Variants in LOXHD1 observed in about 807,000 individuals in gnomAD.
The protein encoded by LOXHD1 is lipoxygenase homology PLAT domains 1, also known as lipoxygenase homology domain-containing protein 1.
LOXHD1 carries 205 observed loss-of-function variants against 248.2 expected under a neutral mutation model. The observed-to-expected ratio is 0.83, with a 90% confidence interval of 0.74 to 0.93. LOXHD1 has a LOEUF of 0.93. Among genes scored for constraint, LOXHD1 ranks in the 40% least tolerant of loss-of-function variants. LOXHD1 has a pLI of 0.00. For missense variants in LOXHD1, 2,930 were observed against 2,971.6 expected (o/e 0.99, Z 0.33); for synonymous variants, 1,113 against 1,162.8 (o/e 0.96, Z 0.87).
intron 14 of LOXHD1, among the ~76,000 whole-genome samples, chr18:46,575,753 C>T (rs1392509519): frequency 6.6e-6 from 1 of 152,132 alleles, no homozygotes; most frequent in Non-Finnish European, 1.5e-5. Flanking sequence ...GTCATTTAAG[C>T]CACCCAGTCT....
chr18:46,482,696 C>G (rs1345656300), intron 40 of LOXHD1, among the ~76,000 whole-genome samples: 1 of 152,208 alleles, frequency 6.6e-6, no homozygotes, highest in East Asian at 1.9e-4. Flanking sequence ...GAGCCCATAG[C>G]CGAGGGCTCT....
chr18:46,596,258 C>A (rs1033408897), intron 8 of LOXHD1, among the ~76,000 whole-genome samples: 7 of 152,130 alleles, frequency 4.6e-5, no homozygotes, highest in Admixed American at 2.6e-4. Context: ...CTCATCACCA[C>A]AAAATAGCCA....
At chr18:46,608,960 C>G (rs144081503) in intron 6 of LOXHD1, among the ~76,000 whole-genome samples, 2 of 152,310 alleles carry the variant, frequency 1.3e-5, no homozygotes, top group African/African-American at 4.8e-5. Flanking sequence ...GCTAACTGCC[C>G]AATTTCCCAG....
chr18:46,529,042 G>C (rs929264027), intron 29 of LOXHD1, 135 bp downstream of exon 29: 1 of 1,093,280 alleles, frequency 9.1e-7, no homozygotes, highest in Non-Finnish European at 1.3e-6. Context: ...GGAAGGGCAA[G>C]GGCAGAGGCC....
At chr18:46,551,952 A>G (rs915816729) in intron 21 of LOXHD1, among the ~76,000 whole-genome samples, 3 of 152,262 alleles carry the variant, frequency 2.0e-5, no homozygotes, top group Non-Finnish European at 2.9e-5. Flanking sequence ...AGCTAGACAC[A>G]AAAAGACAAA....
chr18:46,533,104 G>A (rs1188580250), intron 28 of LOXHD1, 58 bp downstream of exon 28: 1 of 1,533,094 alleles, frequency 6.5e-7, no homozygotes, highest in East Asian at 2.5e-5. Context: ...CATGTGCTCA[G>A]GAGGACCAGG....
chr18:46,568,860 C>T (rs1287806043), intron 16 of LOXHD1, among the ~76,000 whole-genome samples: 2 of 152,206 alleles, frequency 1.3e-5, no homozygotes, highest in Non-Finnish European at 2.9e-5. Flanking sequence ...TGCTGCTTTA[C>T]TGTTCAGCTT....
At chr18:46,610,954 C>G in intron 5 of LOXHD1, 30 bp from the exon 6 acceptor site, 1 of 1,547,500 alleles carries the variant, frequency 6.5e-7, no homozygotes, top group Non-Finnish European at 8.7e-7. Context: ...AAAGAAATTA[C>G]AAAAAGACCA....
In LOXHD1 at chr18:46,533,274, C is replaced by T; in HGVS notation, c.4263G>A (p.Glu1421=). Reference sequence around the variant, plus strand: ...GTTCTCGAATGGTCTTTTTGTCATCCTCAGAGGTGGCAAGCCACCGATCGC... The same window carrying T: ...GTTCTCGAATGGTCTTTTTGTCATCTTCAGAGGTGGCAAGCCACCGATCGC... ...FPCDRWLATS[E]DDKKTIRELV... The change falls in exon 28 of 41, where the codon GAG becomes GAA. Residue 1421 remains glutamate (E), a synonymous_variant. Transcript: ENST00000642948. 6.4e-7 allele frequency: 1 copy of T among 1,551,776 alleles called. No individual in the cohort carries two copies. Among genetic ancestry groups the T allele is most frequent in the Non-Finnish European group, 8.7e-7 (1 of 1,147,004 alleles).
rs916954027 is a variant in LOXHD1, at chr18:46,566,334, C to T, written c.2360G>A (p.Arg787His). Residue 787 changes from arginine to histidine, a missense_variant, in exon 17 of 41, where the codon CGC (arginine) becomes CAC (histidine). Arg to His is a conservative substitution (Grantham distance 29). Transcript: ENST00000642948. ...QGKQYTFPAN[R>H]WLDKNQADGR... is the part of the protein sequence containing the mutation. ...GTCAGCCTGGTTCTTGTCCAGCCAGCGGTTGGCGGGAAAGGTGTACTGCTT... is the reference window on the plus strand; with the variant it reads ...GTCAGCCTGGTTCTTGTCCAGCCAGTGGTTGGCGGGAAAGGTGTACTGCTT... The T allele has an allele frequency of 1.5e-5, 24 of 1,551,732 alleles. No homozygotes were observed. In the African/African-American group the frequency reaches 2.6e-4, roughly 17 times the overall value.
intron 6 of LOXHD1, among the ~76,000 whole-genome samples, chr18:46,610,541 A>G (rs563963305): frequency 2.0e-5 from 3 of 151,442 alleles, no homozygotes; most frequent in East Asian, 1.9e-4. Flanking sequence ...TAAAAAGAAA[A>G]GAGAGAGAGA....
At chr18:46,559,712 A>G (rs532834913) in intron 19 of LOXHD1, 110 bp from the exon 20 acceptor site, 1 of 1,208,746 alleles carries the variant, frequency 8.3e-7, no homozygotes, top group South Asian at 1.5e-5. Context: ...GGATCTTCAG[A>G]TGCATCTACA....
chr18:46,607,285 G>A (rs905566971), intron 6 of LOXHD1, among the ~76,000 whole-genome samples: 1 of 150,586 alleles, frequency 6.6e-6, no homozygotes, highest in Admixed American at 6.6e-5. Context: ...TATTCATTAT[G>A]ACACCATATA....
At chr18:46,541,973 G>C in intron 24 of LOXHD1, 33 bp from the exon 25 acceptor site, 1 of 1,530,798 alleles carries the variant, frequency 6.5e-7, no homozygotes, top group Non-Finnish European at 8.8e-7. Flanking sequence ...ACCCATCAAG[G>C]ACCTGAGCAG....
In LOXHD1 at chr18:46,505,946, A is replaced by G. The variant is rs2034539490; in HGVS notation, c.5770T>C (p.Ser1924Pro). The change falls in exon 37 of 41, where the codon TCG (serine) becomes CCG (proline). Residue 1924 changes from serine to proline, a missense_variant. Ser to Pro is a moderately conservative substitution (Grantham distance 74). Transcript: ENST00000642948. ...CGCTCAAACTTGTTCCAGTTTGCCGACTGCTTCAGGGCCAGTGTCCCACTA... is the reference window on the plus strand; with the variant it reads ...CGCTCAAACTTGTTCCAGTTTGCCGGCTGCTTCAGGGCCAGTGTCCCACTA... The part of the protein sequence containing the change: ...GDSGTLALKQ[S>P]ANWNKFERNN... 1 of 1,552,148 alleles carries G rather than the reference A, an allele frequency of 6.4e-7. No individual in the cohort carries two copies. The highest frequency in any genetic ancestry group is 8.7e-7 in the Non-Finnish European group (1 of 1,147,090).
intron 40 of LOXHD1, among the ~76,000 whole-genome samples, chr18:46,478,895 A>C (rs1475546946): frequency 6.6e-6 from 1 of 152,144 alleles, no homozygotes; most frequent in Non-Finnish European, 1.5e-5. Flanking sequence ...ATAGGGTCTC[A>C]CCATGCTTCC....
intron 25 of LOXHD1, among the ~76,000 whole-genome samples, chr18:46,540,654 CTTTTTTTTTTTT>C (rs60099172): frequency 1.1e-5 from 1 of 91,402 alleles, no homozygotes; most frequent in African/African-American, 4.1e-5. Flanking sequence ...AACTCTTTAT[CTTTTTTTTTTTT>C]TTTTTTTTTT....
chr18:46,636,195 G>C (rs2038890599), intron 4 of LOXHD1, among the ~76,000 whole-genome samples: 1 of 152,156 alleles, frequency 6.6e-6, no homozygotes, highest in South Asian at 2.1e-4. Context: ...TAAGGAAGAG[G>C]GCAGTCCTAA....
At chr18:46,561,662 C>T (rs1283095615) in intron 18 of LOXHD1, among the ~76,000 whole-genome samples, 1 of 152,246 alleles carries the variant, frequency 6.6e-6, no homozygotes, top group Non-Finnish European at 1.5e-5. Context: ...TAGATGAGAA[C>T]TCAGGCCTTC....
Sources: allele counts gnomAD v4.1 joint callset (sites outside exome capture counted in the v4.1 genomes callset), GRCh38; gene constraint gnomAD v4.1.1; transcripts MANE v1.5; gene names NCBI Gene and HGNC (gene_info 2026-07-23, HGNC 2026-07-21).